The following NWD2 variants were observed in gnomAD, a reference collection of about 807,000 sequenced individuals.
NWD2 encodes NACHT and WD repeat domain-containing protein 2.
NWD2 carries 37 observed loss-of-function variants against 132.7 expected under a neutral mutation model. The ratio of observed to expected loss-of-function variants is 0.28; its 90% confidence interval spans 0.21 to 0.37. NWD2 has a LOEUF of 0.37. Ranked by LOEUF, NWD2 falls within the 10% of genes least tolerant of loss-of-function variation. The probability of loss-of-function intolerance (pLI) is 1.00; values close to 1 mark genes in which losing one functional copy is unlikely to be tolerated. For synonymous variants in NWD2, 705 were observed against 803.0 expected (o/e 0.88, Z 2.06); for missense variants, 1,592 against 2,122.4 (o/e 0.75, Z 4.91).
intron 3 of NWD2, among the ~76,000 whole-genome samples, chr4:37,386,870 C>T (rs1216009978): frequency 6.6e-6 from 1 of 151,622 alleles, no homozygotes; most frequent in Non-Finnish European, 1.5e-5. Flanking sequence ...TCTCTCGGTC[C>T]CTCTCTTTCC....
intron 3 of NWD2, among the ~76,000 whole-genome samples, chr4:37,422,320 C>T (rs748189620): frequency 1.3e-5 from 2 of 152,168 alleles, no homozygotes; most frequent in African/African-American, 2.4e-5. Context: ...GGTGACTCTG[C>T]ACATCTGTTG....
chr4:37,448,913 A>G lies in NWD2; in HGVS notation c.*1696A>G, dbSNP rs1249393437. The G allele has an allele frequency of 1.3e-5, 2 of 152,258 alleles. No individual in the cohort carries two copies. Among genetic ancestry groups the G allele is most frequent in the Non-Finnish European group, 2.9e-5 (2 of 68,042 alleles). The allele number at this position is 152,258 out of a possible 1,614,324, so 9.4% of individuals were successfully genotyped here. On this transcript the variant is annotated 3_prime_UTR_variant, in exon 7 of 7. Transcript: ENST00000309447. ...CCAGGTCAATTGTATTTCCTCTTGG[A>G]AAGCAGTTTAACATGTAAGCGTTCA... is the stretch of plus-strand genomic sequence containing the variant.
intron 1 of NWD2, among the ~76,000 whole-genome samples, chr4:37,324,161 T>C (rs1189169357): frequency 6.6e-6 from 1 of 152,066 alleles, no homozygotes; most frequent in Non-Finnish European, 1.5e-5. Context: ...AAATAAGAGT[T>C]GAAATTAAAA....
chr4:37,434,107 T>G, intron 5 of NWD2, 87 bp downstream of exon 5: 2 of 746,396 alleles, frequency 2.7e-6, no homozygotes, highest in Non-Finnish European at 4.0e-6. Context: ...GCAAATTTAA[T>G]CTCATTTACT....
intron 1 of NWD2, among the ~76,000 whole-genome samples, chr4:37,265,730 A>T (rs1717736570): frequency 6.6e-6 from 1 of 151,696 alleles, no homozygotes; most frequent in Non-Finnish European, 1.5e-5. Flanking sequence ...GCTGATCCTT[A>T]TGCCTCCCTC....
intron 1 of NWD2, among the ~76,000 whole-genome samples, chr4:37,321,312 A>G (rs974834468): frequency 3.3e-5 from 5 of 152,208 alleles, no homozygotes; most frequent in African/African-American, 9.6e-5. Context: ...AGTGAAATCA[A>G]GATATTATAA....
At chr4:37,309,057 C>T (rs566347555) in intron 1 of NWD2, among the ~76,000 whole-genome samples, 6 of 152,296 alleles carry the variant, frequency 3.9e-5, no homozygotes, top group South Asian at 4.1e-4. Context: ...GCTGCTGAAG[C>T]GGGCAGAGTT....
In NWD2 at chr4:37,332,600, C is replaced by T. The variant is rs766306832; in HGVS notation, c.240+6576C>T. On this transcript the variant is annotated intron_variant, in intron 2 of 6. Coordinates refer to ENST00000309447, the MANE Select transcript of NWD2 (RefSeq NM_001144990.2). ...TCAGCAGTAATACCCAGGCATTACT[C>T]GCCATGGGCCTTGGGTGACATTCAG... Among the ~76,000 whole-genome samples the T allele has an allele frequency of 5.6e-4, 86 of 152,314 alleles. 1 individual carries two copies. The highest frequency in any genetic ancestry group is 6.8e-3 in the Middle Eastern group (2 of 294).
At chr4:37,323,003 A>G (rs1045726658) in intron 1 of NWD2, among the ~76,000 whole-genome samples, 1 of 152,018 alleles carries the variant, frequency 6.6e-6, no homozygotes, top group Non-Finnish European at 1.5e-5. Flanking sequence ...ACTATGGTGT[A>G]TGAGTTTCTG....
chr4:37,400,470 CTCA>C (rs2109315167), intron 3 of NWD2, among the ~76,000 whole-genome samples: 1 of 152,326 alleles, frequency 6.6e-6, no homozygotes, highest in African/African-American at 2.4e-5. Context: ...AGAGTTCCCT[CTCA>C]TCATCAATTC....
chr4:37,274,367 C>A (rs559667036), intron 1 of NWD2, among the ~76,000 whole-genome samples: 2 of 152,234 alleles, frequency 1.3e-5, no homozygotes, highest in East Asian at 1.9e-4. Context: ...TACACCCTCC[C>A]AAGACCAAAC....
intron 1 of NWD2, among the ~76,000 whole-genome samples, chr4:37,310,408 T>G (rs1342584243): frequency 6.6e-6 from 1 of 152,198 alleles, no homozygotes; most frequent in Non-Finnish European, 1.5e-5. Context: ...AACTTACCCC[T>G]CTTTCCCTAA....
chr4:37,313,028 G>A (rs1377896759), intron 1 of NWD2, among the ~76,000 whole-genome samples: 1 of 151,082 alleles, frequency 6.6e-6, no homozygotes, highest in African/African-American at 2.5e-5. Flanking sequence ...GATTCGGTTT[G>A]CCAATATTTT....
intron 1 of NWD2, among the ~76,000 whole-genome samples, chr4:37,277,393 C>T (rs1718042091): frequency 6.6e-6 from 1 of 151,982 alleles, no homozygotes; most frequent in Non-Finnish European, 1.5e-5. Context: ...TTCTGGGACT[C>T]CCACATAGTT....
At chr4:37,361,187 C>T (rs961196723) in intron 3 of NWD2, among the ~76,000 whole-genome samples, 2 of 151,934 alleles carry the variant, frequency 1.3e-5, no homozygotes, top group Non-Finnish European at 2.9e-5. Flanking sequence ...AGTAATAAAC[C>T]TACCAACCAA....
chr4:37,436,396 G>A (rs891241955), intron 5 of NWD2, among the ~76,000 whole-genome samples: 2 of 152,052 alleles, frequency 1.3e-5, no homozygotes, highest in Admixed American at 6.6e-5. Context: ...TTGTATCATA[G>A]CTCTCATTTA....
intron 1 of NWD2, among the ~76,000 whole-genome samples, chr4:37,251,957 A>G (rs988127653): frequency 6.6e-6 from 1 of 152,252 alleles, no homozygotes; most frequent in African/African-American, 2.4e-5. Flanking sequence ...TAGGGTATTT[A>G]CATAAATAAT....
intron 1 of NWD2, among the ~76,000 whole-genome samples, chr4:37,261,608 T>A (rs1265521164): frequency 1.3e-5 from 2 of 152,204 alleles, no homozygotes; most frequent in East Asian, 3.8e-4. Flanking sequence ...AATTTAACTA[T>A]GTTAAATAAC....
chr4:37,356,373 A>G lies in NWD2; in HGVS notation c.248A>G (p.Asp83Gly). 2 of 1,535,946 alleles carry G rather than the reference A, an allele frequency of 1.3e-6. No homozygotes were observed. Among genetic ancestry groups the G allele is most frequent in the Non-Finnish European group, 1.8e-6 (2 of 1,133,408 alleles). Residue 83 changes from aspartate to glycine, a missense_variant, in exon 3 of 7, where the codon GAT becomes GGT. Around this residue, in one of 7 missense-constraint regions of NWD2, gnomAD observed 144 missense variants for 185.7 expected, o/e 0.78. Coordinates refer to ENST00000309447, the MANE Select transcript of NWD2 (RefSeq NM_001144990.2). Reference protein sequence around the residue: ...ENYGLEFQVIDLYWGVEEDEW... With the variant: ...ENYGLEFQVIGLYWGVEEDEW... ...TCATCCATCTGTCCCCAGGTCATAG[A>G]TCTGTACTGGGGAGTGGAAGAAGAT...
Sources: gnomAD v4.1 joint callset for allele counts (sites outside exome capture counted in the v4.1 genomes callset) on GRCh38, gnomAD v4.1.1 for gene constraint, gnomAD v4.1.1 regional missense constraint, MANE v1.5 for transcripts, NCBI Gene and HGNC (gene_info 2026-07-23, HGNC 2026-07-21) for gene names.